The following CCDC102B variants were observed in gnomAD, a reference collection of about 807,000 sequenced individuals.
CCDC102B encodes the protein coiled-coil domain containing 102B.
A neutral mutation model predicts 57.4 loss-of-function variants in CCDC102B; 75 were observed. That is an observed-to-expected ratio of 1.31 (90% CI 1.08 to 1.58). The LOEUF is 1.58. CCDC102B is among the 40% of genes most tolerant of loss of function. CCDC102B has a pLI of 0.00. For missense variants in CCDC102B, 636 were observed against 582.6 expected, an observed-to-expected ratio of 1.09 and a Z score of -0.94; for synonymous variants, 206 against 201.9, an observed-to-expected ratio of 1.02 and a Z score of -0.17.
At chr18:68,818,871 A>G (rs1486145782) in intron 1 of CCDC102B, among the ~76,000 whole-genome samples, 1 of 152,176 alleles carries the variant, frequency 6.6e-6, no homozygotes, top group South Asian at 2.1e-4. Flanking sequence ...CCTTAGTAAC[A>G]TATAATGTAA....
chr18:68,963,697 C>G (rs1047455686), intron 6 of CCDC102B, among the ~76,000 whole-genome samples: 2 of 151,852 alleles, frequency 1.3e-5, no homozygotes, highest in African/African-American at 2.4e-5. Flanking sequence ...TAATATCTAA[C>G]AACTTCTGAT....
At chr18:68,772,470 A>G (rs2034671881) in intron 2 of CCDC102B, among the ~76,000 whole-genome samples, 1 of 152,124 alleles carries the variant, frequency 6.6e-6, no homozygotes, top group South Asian at 2.1e-4. Flanking sequence ...TCTTGACCCA[A>G]ACTGTCGAGC....
At chr18:68,757,149 T>C (rs2034079456) in intron 2 of CCDC102B, among the ~76,000 whole-genome samples, 1 of 152,152 alleles carries the variant, frequency 6.6e-6, no homozygotes, top group African/African-American at 2.4e-5. Flanking sequence ...TATAATTGCA[T>C]TGTGTTCTGA....
At chr18:68,947,321 GT>G (rs535678892) in intron 6 of CCDC102B, among the ~76,000 whole-genome samples, 113 of 152,086 alleles carry the variant, frequency 7.4e-4, no homozygotes, top group South Asian at 1.2e-3. Flanking sequence ...AATACTTAAA[GT>G]TAGAGATTTT....
At chr18:68,938,920 T>G (rs191244636) in intron 6 of CCDC102B, among the ~76,000 whole-genome samples, 25 of 151,844 alleles carry the variant, frequency 1.6e-4, no homozygotes, top group Admixed American at 3.3e-4. Context: ...TTAAATTTTT[T>G]TATATGTACT....
chr18:68,943,688 G>T (rs1390121646), intron 6 of CCDC102B, among the ~76,000 whole-genome samples: 3 of 152,076 alleles, frequency 2.0e-5, no homozygotes, highest in Admixed American at 6.6e-5. Flanking sequence ...GTTATACCCA[G>T]ATGAGTTAGA....
In CCDC102B at chr18:68,765,379, AAAG is replaced by A. The variant is rs202141032; in HGVS notation, c.-67+48788_-67+48790del. Among the ~76,000 whole-genome samples, 1,134 of 132,946 alleles carry A rather than the reference AAAG, an allele frequency of 8.5e-3. 13 individuals are homozygous for A. The highest frequency in any genetic ancestry group is 0.032 in the African/African-American group (1,070 of 33,814). 87.2% of individuals were successfully genotyped at this position (132,946 alleles called of 152,430 possible). ...AAAGAAAGAAAGAAAGAAAGAAAGA[AAAG>A]AAAGAAAGAAAAGAAAGGAAGGAAG... is the stretch of plus-strand genomic sequence containing the variant. On this transcript the variant is annotated intron_variant, in intron 2 of 3. Coordinates refer to the CCDC102B transcript ENST00000578970.
chr18:68,837,288 A>G lies in CCDC102B; in HGVS notation c.525A>G (p.Gln175=), dbSNP rs1304882376. The G allele has an allele frequency of 3.1e-6, 5 of 1,614,014 alleles. No homozygotes were observed. Among genetic ancestry groups the G allele is most frequent in the Admixed American group, 3.3e-5 (2 of 60,004 alleles). Residue 175 remains glutamine (Q), a synonymous_variant, in exon 2 of 8, where the codon CAA becomes CAG. Transcript: ENST00000360242. ...CCTGTGAACATACAGACCAATTTCA[A>G]TTGAGTTCACAAATGCATGAGTCTA... ...EESCEHTDQF[Q]LSSQMHESIR... is the part of the protein sequence containing the mutation.
chr18:68,786,007 A>G (rs201460855), intron 2 of CCDC102B, among the ~76,000 whole-genome samples: 5,494 of 151,844 alleles, frequency 0.036, 180 homozygotes, highest in Admixed American at 0.095. Context: ...ATTTTTGTAT[A>G]AGGTGTAAGG....
intron 4 of CCDC102B, among the ~76,000 whole-genome samples, chr18:68,852,915 C>G (rs2038196819): frequency 6.6e-6 from 1 of 152,158 alleles, no homozygotes; most frequent in South Asian, 2.1e-4. Flanking sequence ...GGGCCCCTTT[C>G]TTACCCAGGC....
At chr18:68,857,240 AT>A (rs1255647754) in intron 4 of CCDC102B, among the ~76,000 whole-genome samples, 7,556 of 79,324 alleles carry the variant, frequency 0.095, 1,918 homozygotes, top group Non-Finnish European at 0.13. Context: ...TTATATATAA[AT>A]ATATATTTAT....
chr18:68,892,000 A>G (rs1568314330), intron 5 of CCDC102B, among the ~76,000 whole-genome samples: 1 of 152,186 alleles, frequency 6.6e-6, no homozygotes, highest in Non-Finnish European at 1.5e-5. Context: ...AATAAAAATT[A>G]CGAGTTGTGT....
chr18:68,934,301 AT>A (rs2041775178), intron 6 of CCDC102B, among the ~76,000 whole-genome samples: 1 of 151,976 alleles, frequency 6.6e-6, no homozygotes, highest in African/African-American at 2.4e-5. Flanking sequence ...AAAATTGAAG[AT>A]TTAGCTCCTT....
chr18:68,861,444 G>A (rs892429207), intron 4 of CCDC102B, among the ~76,000 whole-genome samples: 1 of 152,002 alleles, frequency 6.6e-6, no homozygotes, highest in Non-Finnish European at 1.5e-5. Flanking sequence ...CCTTTGTTCT[G>A]AGTACTATTC....
chr18:68,855,251 A>G (rs1390930386), intron 4 of CCDC102B, among the ~76,000 whole-genome samples: 1 of 152,164 alleles, frequency 6.6e-6, no homozygotes, highest in Non-Finnish European at 1.5e-5. Context: ...TGAAATATGT[A>G]AAGAGGTGAG....
intron 4 of CCDC102B, among the ~76,000 whole-genome samples, chr18:68,864,759 A>T (rs942355132): frequency 6.6e-6 from 1 of 152,016 alleles, no homozygotes; most frequent in African/African-American, 2.4e-5. Context: ...TAATTTTTGT[A>T]CTGATAATAA....
intron 2 of CCDC102B, among the ~76,000 whole-genome samples, chr18:68,837,751 C>A (rs2037447642): frequency 6.6e-6 from 1 of 152,192 alleles, no homozygotes; most frequent in Admixed American, 6.5e-5. Flanking sequence ...CCTAAAGGCC[C>A]TGTCTCCACC....
Position 69,021,261 on chromosome 18 carries a change from A to G in CCDC102B, c.1434+10157A>G, listed in dbSNP as rs182385246. 7.5e-4 allele frequency among the ~76,000 whole-genome samples: 115 copies of G among 152,350 alleles called. 1 individual carries two copies. In the East Asian group the frequency reaches 0.015, roughly 20 times the overall value. The stretch of plus-strand genomic sequence containing the variant: ...ACTAAATCTATTTCTGTTAAATCTC[A>G]TTAATTTGCACCCTGCTGATTTTAA... On this transcript the variant is annotated intron_variant, in intron 7 of 7. Transcript: ENST00000360242.
chr18:68,741,673 A>T (rs1374738719), intron 2 of CCDC102B, among the ~76,000 whole-genome samples: 6 of 16,208 alleles, frequency 3.7e-4, no homozygotes, highest in Admixed American at 1.0e-3. Flanking sequence ...CTGGTCACAC[A>T]CACACACACA....
Sources: gnomAD v4.1 joint callset for allele counts (sites outside exome capture counted in the v4.1 genomes callset) on GRCh38, gnomAD v4.1.1 for gene constraint, MANE v1.5 for transcripts, NCBI Gene and HGNC (gene_info 2026-07-23, HGNC 2026-07-21) for gene names.